Variants in PROSER2 observed in about 807,000 individuals in gnomAD.
PROSER2 encodes the protein proline and serine rich 2.
Under a neutral mutation model 14.6 loss-of-function variants are expected in PROSER2, and 18 were observed. The observed-to-expected ratio is 1.23, with a 90% CI of 0.85 to 1.83. The LOEUF (loss-of-function observed/expected upper bound fraction) is 1.83, where lower values mean the gene tolerates loss of function less well. Among genes scored for constraint, PROSER2 ranks in the 40% most tolerant of loss-of-function variants. The probability of loss-of-function intolerance (pLI) is 0.00; values close to 1 mark genes in which losing one functional copy is unlikely to be tolerated. For synonymous variants in PROSER2, 367 were observed against 286.4 expected, an observed-to-expected ratio of 1.28 and a Z score of -2.84; for missense variants, 823 against 629.8, an observed-to-expected ratio of 1.31 and a Z score of -3.28.
chr10:11,847,605 G>C (rs1262744759), intron 1 of PROSER2, among the ~76,000 whole-genome samples: 1 of 152,148 alleles, frequency 6.6e-6, no homozygotes, highest in Non-Finnish European at 1.5e-5. Flanking sequence ...TTTCAGTAGA[G>C]ATGGGGTTTC....
At chr10:11,828,016 A>AT (rs939925460) in intron 1 of PROSER2, among the ~76,000 whole-genome samples, 3 of 151,834 alleles carry the variant, frequency 2.0e-5, no homozygotes, top group Admixed American at 6.6e-5. Flanking sequence ...ATTACATTTT[A>AT]TTTTTTTTAA....
At position 11,838,541 on chromosome 10, in the gene PROSER2, G is replaced by A. The variant is rs1042750232; in HGVS notation, c.-81-13456G>A. 6.6e-6 allele frequency among the ~76,000 whole-genome samples: 1 copy of A among 152,224 alleles called. No individual in the cohort carries two copies. Among genetic ancestry groups the A allele is most frequent in the Non-Finnish European group, 1.5e-5 (1 of 68,032 alleles). ...CCCCTGGAGTGAAGGCTGAGCAGTG[G>A]AATGTGTGGCTCGTAGGACACGCTT... On this transcript the variant is annotated intron_variant, in intron 1 of 3. Transcript: ENST00000277570. This position sits in a 1 kb window ranked among gnomAD's most constrained non-coding sequence, Gnocchi z 4.4.
intron 1 of PROSER2, among the ~76,000 whole-genome samples, chr10:11,847,039 AC>A (rs1435670171): frequency 6.6e-6 from 1 of 151,614 alleles, no homozygotes; most frequent in African/African-American, 2.4e-5. Flanking sequence ...GGCGTGAGCC[AC>A]CACTCCCAGC....
chr10:11,840,955 AATATATATATATATATATATAT>A (rs1305528836), intron 1 of PROSER2, among the ~76,000 whole-genome samples: 18 of 18,886 alleles, frequency 9.5e-4, no homozygotes, highest in African/African-American at 3.4e-3. Context: ...AAAAAAAAAA[AATATATATATATATATATATAT>A]ATATATATAT....
rs1010436006 is a variant in PROSER2, at chr10:11,865,099, T to C, written c.139-1432T>C. 2.0e-5 allele frequency among the ~76,000 whole-genome samples: 3 copies of C among 152,194 alleles called. No homozygotes were observed. The South Asian group carries it at 6.2e-4, about 31-fold the overall frequency. ...TTAGGGGCATTTCCCTGAATTATTT[T>C]ATTTTATAATTTCTTCCTCTCATTT... On this transcript the variant is annotated intron_variant, in intron 2 of 3. Coordinates refer to ENST00000277570, the MANE Select transcript of PROSER2 (RefSeq NM_153256.4). This position sits in a 1 kb window ranked among gnomAD's most constrained non-coding sequence, Gnocchi z 4.2.
intron 2 of PROSER2, among the ~76,000 whole-genome samples, chr10:11,854,901 GTCT>G (rs901692214): frequency 2.0e-5 from 3 of 151,594 alleles, no homozygotes; most frequent in Non-Finnish European, 4.4e-5. Context: ...AACTCATCAG[GTCT>G]TTTTTTTTTT....
rs1281263473 is a variant in PROSER2, at chr10:11,871,993, A to G, written c.*1587A>G. 1.3e-5 allele frequency: 2 copies of G among 152,244 alleles called. No individual in the cohort carries two copies. The highest frequency in any genetic ancestry group is 4.8e-5 in the African/African-American group (2 of 41,464). 9.4% of individuals were successfully genotyped at this position (152,244 alleles called of 1,614,324 possible). On this transcript the variant is annotated 3_prime_UTR_variant, in exon 4 of 4. Transcript: ENST00000277570. ...ATTTAAATAGGTGCTTTAATTTTAC[A>G]GCTTTCAAAAGTAGTTACTGTAAAT...
Position 11,866,796 on chromosome 10 carries a change from A to G in PROSER2, c.391+13A>G, listed in dbSNP as rs1309364677. 6.2e-7 allele frequency: 1 copy of G among 1,605,754 alleles called. No individual in the cohort carries two copies. The highest frequency in any genetic ancestry group is 1.7e-5 in the Admixed American group (1 of 59,904). ...ACCCAGGCAGCAGGTGAGGGGGAAGACAGGCCATCCCTGGGATGTGGTTTC... is the reference window on the plus strand; with the variant it reads ...ACCCAGGCAGCAGGTGAGGGGGAAGGCAGGCCATCCCTGGGATGTGGTTTC... On this transcript the variant is annotated intron_variant, in intron 3 of 3. Transcript: ENST00000277570. This position sits in a 1 kb window ranked among gnomAD's most constrained non-coding sequence, Gnocchi z 6.0.
At chr10:11,853,744 G>A (rs528731174) in intron 2 of PROSER2, among the ~76,000 whole-genome samples, 50 of 152,258 alleles carry the variant, frequency 3.3e-4, no homozygotes, top group African/African-American at 1.1e-3. Context: ...CTCCGTAGAC[G>A]TTTAAATTAT....
chr10:11,844,864 C>T (rs772040801), intron 1 of PROSER2, among the ~76,000 whole-genome samples: 2 of 152,188 alleles, frequency 1.3e-5, no homozygotes, highest in African/African-American at 2.4e-5. Flanking sequence ...TCAAGTGATC[C>T]GCCCGCCTTG....
chr10:11,836,173 A>G lies in PROSER2; in HGVS notation c.-82+12703A>G, dbSNP rs1028992815. Among the ~76,000 whole-genome samples, 5 of 151,928 alleles carry G rather than the reference A, an allele frequency of 3.3e-5. No homozygotes were observed. The highest frequency in any genetic ancestry group is 1.2e-4 in the African/African-American group (5 of 41,368). On this transcript the variant is annotated intron_variant, in intron 1 of 3. Transcript: ENST00000277570. This position sits in a 1 kb window ranked among gnomAD's most constrained non-coding sequence, Gnocchi z 4.6. ...CAGTCTCCCGAGTAGCTGGGATTAC[A>G]GGCGTCCACCACTATGCCCGGCTAA... is the stretch of plus-strand genomic sequence containing the variant.
rs930938195 is a variant in PROSER2 at position 11,852,605 on chromosome 10, C to T, written c.138+390C>T. Among the ~76,000 whole-genome samples the T allele has an allele frequency of 3.9e-5, 6 of 152,062 alleles. No individual in the cohort carries two copies. In the East Asian group the frequency reaches 7.7e-4, roughly 20 times the overall value. Reference sequence around the variant, plus strand: ...CGCGATCTTGGCTCACTGCAACCTCCGCCTCCCAACTTCAAGCAGTTCTCC... The same window carrying T: ...CGCGATCTTGGCTCACTGCAACCTCTGCCTCCCAACTTCAAGCAGTTCTCC... On this transcript the variant is annotated intron_variant, in intron 2 of 3. Transcript: ENST00000277570.
intron 1 of PROSER2, among the ~76,000 whole-genome samples, chr10:11,842,931 C>CTTTGTTTTTTTTTTTT (rs1833865971): frequency 1.9e-5 from 1 of 51,956 alleles, no homozygotes; most frequent in Non-Finnish European, 3.7e-5. Context: ...TGCCATTGTT[C>CTTTGTTTTTTTTTTTT]TTTTTTTTTT....
At chr10:11,840,231 G>A (rs1345142839) in intron 1 of PROSER2, among the ~76,000 whole-genome samples, 1 of 151,198 alleles carries the variant, frequency 6.6e-6, no homozygotes, top group African/African-American at 2.4e-5. Flanking sequence ...GGGATTATAG[G>A]TGTGAGCCAC....
chr10:11,863,773 A>G (rs1315887841), intron 2 of PROSER2, among the ~76,000 whole-genome samples: 3 of 152,076 alleles, frequency 2.0e-5, no homozygotes, highest in African/African-American at 7.2e-5. Context: ...GCACAATTTC[A>G]ATCTGAGACA....
Position 11,870,192 on chromosome 10 carries a change from C to G in PROSER2, c.1094C>G (p.Ser365Cys), listed in dbSNP as rs1339419736. 7.4e-6 allele frequency: 11 copies of G among 1,488,292 alleles called. No individual in the cohort carries two copies. Among genetic ancestry groups the G allele is most frequent in the Non-Finnish European group, 9.8e-6 (11 of 1,126,318 alleles). 92.2% of individuals were successfully genotyped at this position (1,488,292 alleles called of 1,614,324 possible). A position where few individuals can be genotyped will look rare whatever the true frequency, so the allele number is the denominator to read the frequency against. Residue 365 changes from serine (S) to cysteine (C), a missense_variant, in exon 4 of 4, where the codon TCC becomes TGC. Ser to Cys is a moderately radical substitution (Grantham distance 112). Transcript: ENST00000277570. ...AGCTCCTTCGCGCCCGCTGGGAAGT[C>G]CCTCTGCTTCCGCCCTGGCCCGGCC... ...APSSFAPAGK[S>C]LCFRPGPALP... is the part of the protein sequence containing the mutation.
At position 11,836,071 on chromosome 10, in the gene PROSER2, G is replaced by A. The variant is rs1833756047; in HGVS notation, c.-82+12601G>A. 6.6e-6 allele frequency among the ~76,000 whole-genome samples: 1 copy of A among 152,108 alleles called. No individual in the cohort carries two copies. Among genetic ancestry groups the A allele is most frequent in the African/African-American group, 2.4e-5 (1 of 41,406 alleles). ...TCTAGAGACAGAGTCTCACTCTGTC[G>A]CCCAGGCTGCAGTGCAGTGGCACGA... On this transcript the variant is annotated intron_variant, in intron 1 of 3. Transcript: ENST00000277570. The surrounding 1 kb of genome is among the most constrained non-coding windows in gnomAD (Gnocchi z 4.6).
intron 2 of PROSER2, among the ~76,000 whole-genome samples, chr10:11,853,737 C>T (rs1225135475): frequency 6.6e-6 from 1 of 152,252 alleles, no homozygotes; most frequent in African/African-American, 2.4e-5. Flanking sequence ...TTCGTTTCTC[C>T]GTAGACGTTT....
rs1418760543 is a variant in PROSER2 at position 11,870,980 on chromosome 10, C to G, written c.*574C>G. 1 of 152,164 alleles carries G rather than the reference C, an allele frequency of 6.6e-6. No individual in the cohort carries two copies. Among genetic ancestry groups the G allele is most frequent in the African/African-American group, 2.4e-5 (1 of 41,336 alleles). The allele number at this position is 152,164 out of a possible 1,614,324, so 9.4% of individuals were successfully genotyped here. ...TTAGTTTGCCCAGTTTTGTTTTTTA[C>G]TGAAAACTGAAATGAAACCTTTAGA... On this transcript the variant is annotated 3_prime_UTR_variant, in exon 4 of 4. Coordinates refer to ENST00000277570, the MANE Select transcript of PROSER2 (RefSeq NM_153256.4).
Sources: gnomAD v4.1 joint callset for allele counts (sites outside exome capture counted in the v4.1 genomes callset) on GRCh38, gnomAD v4.1.1 for gene constraint, Gnocchi (gnomAD v3.1) non-coding constraint, MANE v1.5 for transcripts, NCBI Gene and HGNC (gene_info 2026-07-23, HGNC 2026-07-21) for gene names.